Variants in PTPRQ observed in about 807,000 individuals in gnomAD.
The protein encoded by PTPRQ is phosphatidylinositol phosphatase PTPRQ.
In PTPRQ, 199 loss-of-function variants were observed where a neutral mutation model predicts 246.0. That is an observed-to-expected ratio of 0.81 (90% CI 0.72 to 0.91). PTPRQ has a LOEUF of 0.91. Ranked by LOEUF, PTPRQ falls within the 40% of genes least tolerant of loss-of-function variation. The pLI is 0.00. For synonymous variants in PTPRQ, 869 were observed against 853.2 expected (o/e 1.02, Z -0.32); for missense variants, 2,624 against 2,528.4 (o/e 1.04, Z -0.81).
At chr12:80,514,219 C>G (rs955323373) in intron 17 of PTPRQ, among the ~76,000 whole-genome samples, 1 of 151,794 alleles carries the variant, frequency 6.6e-6, no homozygotes, top group East Asian at 1.9e-4. Flanking sequence ...TTCCTTCTTC[C>G]GTATACTCTT....
In PTPRQ at chr12:80,588,346, A is replaced by G; in HGVS notation, c.4503A>G (p.Val1501=). ...LYEAHLTEET[V]YGLKKFRWYR... ...AAGCTCACTTAACTGAAGAGACAGT[A>G]TATGGATTAAAGAAATTTAGATGGT... Residue 1501 remains valine, a synonymous_variant, in exon 26 of 45, where the codon GTA becomes GTG. Transcript: ENST00000644991. 6.5e-7 allele frequency: 1 copy of G among 1,550,042 alleles called. No homozygotes were observed.
At chr12:80,585,653 C>T (rs1169836712) in intron 25 of PTPRQ, among the ~76,000 whole-genome samples, 1 of 152,156 alleles carries the variant, frequency 6.6e-6, no homozygotes, top group Non-Finnish European at 1.5e-5. Flanking sequence ...ACAGTTTCCT[C>T]TGCTTCAAAT....
chr12:80,648,022 A>G (rs946005375), intron 35 of PTPRQ, among the ~76,000 whole-genome samples: 1 of 152,066 alleles, frequency 6.6e-6, no homozygotes, highest in African/African-American at 2.4e-5. Context: ...TCTTCATTGA[A>G]TACACCTCTT....
intron 3 of PTPRQ, among the ~76,000 whole-genome samples, chr12:80,449,718 C>T (rs916426573): frequency 6.6e-6 from 1 of 152,056 alleles, no homozygotes; most frequent in Non-Finnish European, 1.5e-5. Context: ...GGGCTCTGTT[C>T]TGTTCCATTG....
At chr12:80,515,775 T>C (rs1003773524) in intron 17 of PTPRQ, among the ~76,000 whole-genome samples, 1 of 138,646 alleles carries the variant, frequency 7.2e-6, no homozygotes, top group African/African-American at 2.7e-5. Flanking sequence ...GTCTTCAAAA[T>C]GCAGGCTGCC....
chr12:80,604,893 G>A (rs2066949295), intron 26 of PTPRQ, among the ~76,000 whole-genome samples, 166 bp from the exon 27 acceptor site: 1 of 151,266 alleles, frequency 6.6e-6, no homozygotes, highest in Admixed American at 6.6e-5. Context: ...TTAAAGAATT[G>A]GATCTTTTTA....
At chr12:80,638,026 G>T (rs1899722029) in intron 35 of PTPRQ, among the ~76,000 whole-genome samples, 1 of 151,966 alleles carries the variant, frequency 6.6e-6, no homozygotes, top group Admixed American at 6.6e-5. Flanking sequence ...TCAGCACTTT[G>T]GGAGGCCTAG....
intron 26 of PTPRQ, among the ~76,000 whole-genome samples, chr12:80,591,121 T>C (rs1339515964): frequency 1.0e-5 from 1 of 99,524 alleles, no homozygotes; most frequent in Non-Finnish European, 1.9e-5. Flanking sequence ...TGATCATTGC[T>C]TTTTTTTTTT....
At chr12:80,493,143 A>G (rs1262695079) in intron 9 of PTPRQ, 132 bp from the exon 10 acceptor site, 5 of 1,013,322 alleles carry the variant, frequency 4.9e-6, no homozygotes, top group Non-Finnish European at 6.5e-6. Flanking sequence ...TAAAGAAGAC[A>G]GTGGTCATGG....
intron 17 of PTPRQ, among the ~76,000 whole-genome samples, chr12:80,519,645 C>T (rs1179704819): frequency 6.6e-6 from 1 of 152,144 alleles, no homozygotes; most frequent in Non-Finnish European, 1.5e-5. Context: ...GGTCCTGACA[C>T]ATGTGTATTG....
At chr12:80,522,339 T>C (rs1176186404) in intron 17 of PTPRQ, among the ~76,000 whole-genome samples, 1 of 152,158 alleles carries the variant, frequency 6.6e-6, no homozygotes, top group African/African-American at 2.4e-5. Context: ...CTTTTCCTAA[T>C]TGAATACCAT....
At chr12:80,517,849 T>C (rs1895352107) in intron 17 of PTPRQ, among the ~76,000 whole-genome samples, 1 of 152,182 alleles carries the variant, frequency 6.6e-6, no homozygotes, top group Non-Finnish European at 1.5e-5. Context: ...CCATTGCGTA[T>C]AGATGTACCA....
chr12:80,522,496 G>A (rs1565762068), intron 17 of PTPRQ, among the ~76,000 whole-genome samples: 2 of 152,082 alleles, frequency 1.3e-5, no homozygotes, highest in South Asian at 4.2e-4. Context: ...ATTGGCTGTG[G>A]GTTTGTCATA....
Position 80,616,232 on chromosome 12 carries a change from A to G in PTPRQ, c.5196A>G (p.Pro1732=). Residue 1732 remains proline, a synonymous_variant, in exon 30 of 45, where the codon CCA becomes CCG. Transcript: ENST00000644991. ...VYAVNSAGAG[P]KVPMRITMDI... The stretch of plus-strand genomic sequence containing the variant: ...CAGTCAATAGTGCTGGTGCAGGTCC[A>G]AAGGTTCCGATGAGAATAACCATGG... 3 of 1,493,924 alleles carry G rather than the reference A, an allele frequency of 2.0e-6. No individual in the cohort carries two copies. The highest frequency in any genetic ancestry group is 2.7e-6 in the Non-Finnish European group (3 of 1,119,658). 92.5% of individuals were successfully genotyped at this position (1,493,924 alleles called of 1,614,324 possible). A position where few individuals can be genotyped will look rare whatever the true frequency, so the allele number is the denominator to read the frequency against.
At chr12:80,448,296 G>C (rs1892616526) in intron 3 of PTPRQ, among the ~76,000 whole-genome samples, 3 of 151,600 alleles carry the variant, frequency 2.0e-5, no homozygotes, top group Admixed American at 2.0e-4. Context: ...TTTTTGAGTT[G>C]TCGTTAGAGT....
chr12:80,469,691 G>T (rs1311664530), intron 7 of PTPRQ, among the ~76,000 whole-genome samples: 1 of 152,014 alleles, frequency 6.6e-6, no homozygotes, highest in East Asian at 1.9e-4. Flanking sequence ...AGTAACTTAT[G>T]CTCCTAAAAT....
intron 6 of PTPRQ, among the ~76,000 whole-genome samples, chr12:80,465,945 C>G (rs1264401396): frequency 6.6e-6 from 1 of 152,096 alleles, no homozygotes; most frequent in African/African-American, 2.4e-5. Flanking sequence ...AAAACTGGCA[C>G]AAGACAGGGA....
In PTPRQ at chr12:80,519,798, C is replaced by G. The variant is rs945012468; in HGVS notation, c.2678+9355C>G. 2.6e-5 allele frequency among the ~76,000 whole-genome samples: 4 copies of G among 152,106 alleles called. No homozygotes were observed. The South Asian group carries it at 6.2e-4, about 24-fold the overall frequency. ...AAGTGCACAGCCTCTGTAAATTAGC[C>G]AGAACCAGTCCATGGTCAGTGGTCT... On this transcript the variant is annotated intron_variant, in intron 17 of 44. Transcript: ENST00000644991.
intron 8 of PTPRQ, among the ~76,000 whole-genome samples, chr12:80,478,845 G>A (rs1464033276): frequency 6.6e-6 from 1 of 152,152 alleles, no homozygotes; most frequent in Non-Finnish European, 1.5e-5. Flanking sequence ...AAAAAGAAAT[G>A]AGCAAAGCCT....
Sources: allele counts gnomAD v4.1 joint callset (sites outside exome capture counted in the v4.1 genomes callset), GRCh38; gene constraint gnomAD v4.1.1; transcripts MANE v1.5; gene names NCBI Gene and HGNC (gene_info 2026-07-23, HGNC 2026-07-21).